The following AHCYL1 variants were observed in gnomAD, a reference collection of about 807,000 sequenced individuals.
The protein encoded by AHCYL1 is adenosylhomocysteinase like 1.
Under a neutral mutation model 79.3 loss-of-function variants are expected in AHCYL1, and 20 were observed. The ratio of observed to expected loss-of-function variants is 0.25; its 90% confidence interval spans 0.18 to 0.37. The LOEUF (loss-of-function observed/expected upper bound fraction) is 0.37. AHCYL1 is among the 10% of genes least tolerant of loss of function. The pLI is 1.00. For synonymous variants in AHCYL1, 223 were observed against 242.2 expected (o/e 0.92, Z 0.74); for missense variants, 330 against 673.6 (o/e 0.49, Z 5.65).
At chr1:110,017,670 G>T (rs1422044063) in intron 10 of AHCYL1, 87 bp downstream of exon 10, 5 of 1,417,412 alleles carry the variant, frequency 3.5e-6, no homozygotes, top group Admixed American at 3.6e-5. Context: ...AATCATTTTT[G>T]CAGAAATCAC....
At chr1:110,008,668 G>A (rs1015020943) in intron 1 of AHCYL1, among the ~76,000 whole-genome samples, 1 of 152,122 alleles carries the variant, frequency 6.6e-6, no homozygotes, top group African/African-American at 2.4e-5. Flanking sequence ...ATGAGATTCT[G>A]TTTTCTGAAA....
intron 1 of AHCYL1, among the ~76,000 whole-genome samples, chr1:110,002,785 C>T (rs72976663): frequency 0.031 from 4,764 of 152,252 alleles, 235 homozygotes; most frequent in African/African-American, 0.11. Context: ...TGGAACAACC[C>T]GACATGTGCC....
chr1:109,987,721 A>G (rs1267892623), intron 1 of AHCYL1, among the ~76,000 whole-genome samples: 1 of 152,196 alleles, frequency 6.6e-6, no homozygotes, highest in Non-Finnish European at 1.5e-5. Flanking sequence ...TGACTTACTC[A>G]GTTTTGTATG....
In AHCYL1 at chr1:110,009,066, C is replaced by G. The variant is rs1650853304; in HGVS notation, c.153C>G (p.Phe51Leu). The G allele has an allele frequency of 2.5e-6, 4 of 1,613,818 alleles. No homozygotes were observed. Among genetic ancestry groups the G allele is most frequent in the Non-Finnish European group, 3.4e-6 (4 of 1,179,810 alleles). The change falls in exon 2 of 17, where the codon TTC becomes TTG. Residue 51 changes from phenylalanine to leucine, a missense_variant. Phe to Leu is a conservative substitution (Grantham distance 22). Transcript: ENST00000369799. ...QIQFADDMQE[F>L]TKFPTKTGRR... ...AGTTTGCTGATGACATGCAGGAGTT[C>G]ACCAAATTCCCCACCAAAACTGGCC...
chr1:110,009,390 A>G (rs1036607938), intron 2 of AHCYL1, among the ~76,000 whole-genome samples: 3 of 152,230 alleles, frequency 2.0e-5, no homozygotes, highest in Non-Finnish European at 4.4e-5. Flanking sequence ...CCCAGTTGGT[A>G]GGACTGGGCT....
intron 7 of AHCYL1, among the ~76,000 whole-genome samples, 160 bp downstream of exon 7, chr1:110,015,691 T>C (rs1651373525): frequency 6.6e-6 from 1 of 152,218 alleles, no homozygotes; most frequent in Admixed American, 6.5e-5. Flanking sequence ...AAGTTGATCC[T>C]AGAAGGAAGT....
At chr1:109,995,438 T>TTC (rs1649981928) in intron 1 of AHCYL1, among the ~76,000 whole-genome samples, 1 of 152,228 alleles carries the variant, frequency 6.6e-6, no homozygotes, top group Non-Finnish European at 1.5e-5. Flanking sequence ...TCAGACAGTC[T>TTC]CTTTGTCATG....
chr1:109,997,142 C>T (rs1268704659), intron 1 of AHCYL1, among the ~76,000 whole-genome samples: 1 of 152,174 alleles, frequency 6.6e-6, no homozygotes, highest in Non-Finnish European at 1.5e-5. Flanking sequence ...CTCCCTCTTA[C>T]CCTAGTTTCT....
chr1:110,013,656 G>T (rs112522559), intron 5 of AHCYL1, among the ~76,000 whole-genome samples: 11,747 of 151,906 alleles, frequency 0.077, 1,331 homozygotes, highest in African/African-American at 0.25. Context: ...GCTGCAGTGA[G>T]CCGAGATCAT....
chr1:110,009,731 GTAAA>G (rs1433586056), intron 2 of AHCYL1, among the ~76,000 whole-genome samples: 2 of 152,120 alleles, frequency 1.3e-5, no homozygotes, highest in African/African-American at 4.8e-5. Flanking sequence ...TTAACTCTCT[GTAAA>G]TAAAGTCTTT....
intron 7 of AHCYL1, 118 bp downstream of exon 7, chr1:110,015,649 A>T: frequency 1.5e-6 from 1 of 654,210 alleles, no homozygotes; most frequent in Non-Finnish European, 2.3e-6. Context: ...TCTTCATTAG[A>T]TAAAATTTTG....
chr1:109,994,097 CCTT>C (rs1170660835), intron 1 of AHCYL1, among the ~76,000 whole-genome samples: 1 of 152,216 alleles, frequency 6.6e-6, no homozygotes, highest in Non-Finnish European at 1.5e-5. Flanking sequence ...TTGAAACACA[CCTT>C]CTTTAGAATT....
At chr1:109,989,186 C>T (rs889932035) in intron 1 of AHCYL1, among the ~76,000 whole-genome samples, 6 of 152,120 alleles carry the variant, frequency 3.9e-5, no homozygotes, top group African/African-American at 1.2e-4. Context: ...TAGTTAGTTA[C>T]ACTCTAGTTT....
chr1:109,984,865 C>T lies in AHCYL1; in HGVS notation c.-188C>T. 2.2e-6 allele frequency: 2 copies of T among 927,784 alleles called. No homozygotes were observed. Among genetic ancestry groups the T allele is most frequent in the African/African-American group, 1.8e-5 (1 of 57,108 alleles). 57.5% of individuals were successfully genotyped at this position (927,784 alleles called of 1,614,324 possible). A position where few individuals can be genotyped will look rare whatever the true frequency, so the allele number is the denominator to read the frequency against. ...TCTTGTGGCCGCCGTCGCTGTCCGGCTGCCTTGGGCTGCCGAACAGACAAG... is the reference window on the plus strand; with the variant it reads ...TCTTGTGGCCGCCGTCGCTGTCCGGTTGCCTTGGGCTGCCGAACAGACAAG... On this transcript the variant is annotated 5_prime_UTR_variant, in exon 1 of 17. Coordinates refer to ENST00000369799, the MANE Select transcript of AHCYL1 (RefSeq NM_006621.7).
intron 3 of AHCYL1, 55 bp downstream of exon 3, chr1:110,011,412 G>GAATCC: frequency 1.9e-6 from 3 of 1,599,234 alleles, no homozygotes; most frequent in Non-Finnish European, 2.6e-6. Context: ...TTGGCCATCA[G>GAATCC]AATCCACAAA....
intron 1 of AHCYL1, among the ~76,000 whole-genome samples, chr1:110,002,748 A>G (rs1050105652): frequency 2.6e-5 from 4 of 152,254 alleles, no homozygotes; most frequent in Non-Finnish European, 5.9e-5. Flanking sequence ...CACTTTAACC[A>G]GGACTCAATC....
rs1332068102 is a variant in AHCYL1 at position 110,012,923 on chromosome 1, G to C, written c.504G>C (p.Leu168=). ...TGTTGATTGAGACACTCTGTGCCCT[G>C]GGGGCTCAGTGCCGCTGGTCTGCTT... ...TAVLIETLCA[L]GAQCRWSACN... Residue 168 remains leucine (L), a synonymous_variant, in exon 5 of 17, where the codon CTG becomes CTC. Transcript: ENST00000369799. 1.9e-6 allele frequency: 3 copies of C among 1,611,856 alleles called. No individual in the cohort carries two copies. The Admixed American group carries it at 5.0e-5, about 27-fold the overall frequency.
At chr1:110,016,133 T>TC (rs1651405772) in intron 7 of AHCYL1, among the ~76,000 whole-genome samples, 1 of 151,870 alleles carries the variant, frequency 6.6e-6, no homozygotes, top group South Asian at 2.1e-4. Flanking sequence ...CTTTTTTTTT[T>TC]CTTCCAAAAA....
chr1:110,014,717 A>T, intron 5 of AHCYL1, 46 bp from the exon 6 acceptor site: 1 of 1,431,666 alleles, frequency 7.0e-7, no homozygotes. Context: ...TTGGTACAGG[A>T]CACTCCTCAA....
Sources: allele counts gnomAD v4.1 joint callset (sites outside exome capture counted in the v4.1 genomes callset), GRCh38; gene constraint gnomAD v4.1.1; transcripts MANE v1.5; gene names NCBI Gene and HGNC (gene_info 2026-07-23, HGNC 2026-07-21).